Variants in DPP10 observed in about 807,000 individuals in gnomAD.
DPP10 encodes the protein dipeptidyl peptidase like 10, also known as inactive dipeptidyl peptidase 10.
DPP10 carries 33 observed loss-of-function variants against 120.9 expected under a neutral mutation model. The ratio of observed to expected loss-of-function variants is 0.27; its 90% CI spans 0.21 to 0.37. The LOEUF (loss-of-function observed/expected upper bound fraction) is 0.37. Ranked by LOEUF, DPP10 falls within the 10% of genes least tolerant of loss-of-function variation. The pLI is 1.00. For synonymous variants in DPP10, 337 were observed against 326.1 expected (o/e 1.03, Z -0.36); for missense variants, 816 against 942.8 (o/e 0.87, Z 1.76).
chr2:115,792,215 A>G (rs995776749), intron 19 of DPP10, among the ~76,000 whole-genome samples: 55 of 152,190 alleles, frequency 3.6e-4, no homozygotes, highest in African/African-American at 1.3e-3. Flanking sequence ...CTACAAGGCT[A>G]AGTTTCTCTA....
chr2:115,613,346 T>TA (rs2084255621), intron 5 of DPP10, among the ~76,000 whole-genome samples: 1 of 152,246 alleles, frequency 6.6e-6, no homozygotes, highest in Non-Finnish European at 1.5e-5. Context: ...AACAGTGGCA[T>TA]AAAGTATTAG....
chr2:114,530,391 C>A (rs530317033), intron 1 of DPP10, among the ~76,000 whole-genome samples: 1 of 152,184 alleles, frequency 6.6e-6, no homozygotes, highest in East Asian at 1.9e-4. Context: ...ATGAAGAGCA[C>A]TTGAATGAGA....
intron 11 of DPP10, among the ~76,000 whole-genome samples, chr2:115,760,237 A>G (rs897654050): frequency 7.2e-5 from 11 of 152,314 alleles, no homozygotes; most frequent in East Asian, 1.9e-4. Context: ...CTACTTGGCC[A>G]TAGAAACAAA....
intron 1 of DPP10, among the ~76,000 whole-genome samples, chr2:115,147,488 G>A (rs1184019075): frequency 1.3e-5 from 2 of 152,042 alleles, no homozygotes; most frequent in African/African-American, 4.8e-5. Flanking sequence ...TCTAAATGGA[G>A]ATAAGGAAAG....
intron 1 of DPP10, among the ~76,000 whole-genome samples, chr2:114,722,494 C>T (rs1240647083): frequency 6.6e-6 from 1 of 151,966 alleles, no homozygotes; most frequent in Non-Finnish European, 1.5e-5. Context: ...AACAGCTAAC[C>T]AGTCGGGCGC....
intron 1 of DPP10, among the ~76,000 whole-genome samples, chr2:115,051,613 C>G (rs1705487971): frequency 6.6e-6 from 1 of 152,074 alleles, no homozygotes; most frequent in Admixed American, 6.5e-5. Context: ...TGTTTTAACT[C>G]CTCTATTTTG....
At chr2:115,745,769 T>C (rs1195138229) in intron 9 of DPP10, among the ~76,000 whole-genome samples, 1 of 151,708 alleles carries the variant, frequency 6.6e-6, no homozygotes, top group Non-Finnish European at 1.5e-5. Flanking sequence ...TGTTTGTTTG[T>C]TTGTTTGTTT....
chr2:115,357,375 C>T (rs553334670), intron 3 of DPP10, among the ~76,000 whole-genome samples: 11 of 152,188 alleles, frequency 7.2e-5, no homozygotes, highest in African/African-American at 1.4e-4. Flanking sequence ...CATACAAGTC[C>T]GAAATTCAAT....
chr2:115,111,580 T>A (rs1024413184), intron 1 of DPP10, among the ~76,000 whole-genome samples: 1 of 152,092 alleles, frequency 6.6e-6, no homozygotes, highest in Non-Finnish European at 1.5e-5. Context: ...GGCGGTGTGA[T>A]CTTGGGCAAG....
intron 5 of DPP10, among the ~76,000 whole-genome samples, chr2:115,530,661 C>T (rs1462473993): frequency 2.7e-5 from 4 of 147,664 alleles, no homozygotes; most frequent in Non-Finnish European, 6.0e-5. Flanking sequence ...GCCTGAGTGA[C>T]AGGGCAAGAC....
rs758948654 is a variant in DPP10, at chr2:115,753,259, C to A, written c.1036C>A (p.Leu346Ile). 6.2e-7 allele frequency: 1 copy of A among 1,611,348 alleles called. No individual in the cohort carries two copies. The highest frequency in any genetic ancestry group is 8.5e-7 in the Non-Finnish European group (1 of 1,178,272). The change falls in exon 11 of 26, where the codon CTC (leucine) becomes ATC (isoleucine). Residue 346 changes from leucine to isoleucine, a missense_variant. Physicochemically the swap from Leu to Ile is conservative, Grantham distance 5. Coordinates refer to ENST00000410059, the MANE Select transcript of DPP10 (RefSeq NM_020868.6). ...WLNRAQNISI[L>I]TVCETTTGAC... is the part of the protein sequence containing the mutation. ...AAACCGAGCTCAGAACATCTCCATC[C>A]TCACAGTCTGTGAGACCACTACAGG...
At position 115,523,864 on chromosome 2, in the gene DPP10, ATGT is replaced by A. The variant is rs924031739; in HGVS notation, c.367-2029_367-2027del. ...GATGACTGATCAGTGGTAGCTGCTA[ATGT>A]TGTTATTTTCATGGTTATTTAAATG... is the stretch of plus-strand genomic sequence containing the variant. On this transcript the variant is annotated intron_variant, in intron 4 of 25. Coordinates refer to ENST00000410059, the MANE Select transcript of DPP10 (RefSeq NM_020868.6). Among the ~76,000 whole-genome samples, 15 of 152,166 alleles carry A rather than the reference ATGT, an allele frequency of 9.9e-5. 1 individual carries two copies. Among genetic ancestry groups the A allele is most frequent in the Admixed American group, 5.2e-4 (8 of 15,264 alleles).
At chr2:115,634,200 C>T (rs10205583) in intron 5 of DPP10, among the ~76,000 whole-genome samples, 31,891 of 152,014 alleles carry the variant, frequency 0.21, 3,939 homozygotes, top group East Asian at 0.39. Flanking sequence ...AGACTACTTC[C>T]GTCAGTTTAT....
Position 115,813,389 on chromosome 2 carries a change from C to G in DPP10, c.1701-1404C>G, listed in dbSNP as rs115696040. Among the ~76,000 whole-genome samples the G allele has an allele frequency of 6.0e-3, 919 of 152,236 alleles. 21 individuals are homozygous for G. Among genetic ancestry groups the G allele is most frequent in the African/African-American group, 0.021 (879 of 41,530 alleles). ...TTTGCGCCTCTTCATATGGTAGTCC[C>G]ACTGTAACTGTGCACCTCTAGAGTC... On this transcript the variant is annotated intron_variant, in intron 19 of 25. Transcript: ENST00000410059.
intron 3 of DPP10, chr2:115,468,692 G>A (rs143930403): frequency 8.4e-6 from 3 of 357,930 alleles, no homozygotes; most frequent in South Asian, 2.2e-5. Context: ...GGAAGAGCAG[G>A]CTGCTACTGA....
chr2:115,425,075 A>G (rs2070331670), intron 3 of DPP10, among the ~76,000 whole-genome samples: 1 of 152,170 alleles, frequency 6.6e-6, no homozygotes, highest in African/African-American at 2.4e-5. Context: ...ATCAGTGAAC[A>G]AGTTCATAAA....
chr2:114,752,597 C>T (rs1199757057), intron 1 of DPP10, among the ~76,000 whole-genome samples: 1 of 152,170 alleles, frequency 6.6e-6, no homozygotes, highest in Non-Finnish European at 1.5e-5. Context: ...AGGTTCTGTT[C>T]ATAGCAGAGC....
intron 3 of DPP10, among the ~76,000 whole-genome samples, chr2:115,380,507 G>A (rs933035721): frequency 1.6e-4 from 24 of 151,692 alleles, no homozygotes; most frequent in Admixed American, 2.6e-4. Flanking sequence ...TCTTTATCCA[G>A]TTTGCCAGTC....
intron 3 of DPP10, among the ~76,000 whole-genome samples, chr2:115,471,041 T>A (rs2074680319): frequency 6.6e-6 from 1 of 152,174 alleles, no homozygotes; most frequent in African/African-American, 2.4e-5. Flanking sequence ...TTATGAGTTT[T>A]TTTTGTCTAT....
Sources: gnomAD v4.1 joint callset for allele counts (sites outside exome capture counted in the v4.1 genomes callset) on GRCh38, gnomAD v4.1.1 for gene constraint, MANE v1.5 for transcripts, NCBI Gene and HGNC (gene_info 2026-07-23, HGNC 2026-07-21) for gene names.